Variants in KCNIP1 observed in about 807,000 individuals in gnomAD.
The protein encoded by KCNIP1 is A-type potassium channel modulatory protein KCNIP1.
Under a neutral mutation model 33.0 loss-of-function variants are expected in KCNIP1, and 18 were observed. The ratio of observed to expected loss-of-function variants is 0.55; its 90% CI spans 0.38 to 0.81. The LOEUF is 0.81. Ranked by LOEUF, KCNIP1 falls within the 30% of genes least tolerant of loss-of-function variation. KCNIP1 has a pLI of 0.00. For missense variants in KCNIP1, 238 were observed against 271.6 expected, an observed-to-expected ratio of 0.88 and a Z score of 0.87; for synonymous variants, 93 against 98.3, an observed-to-expected ratio of 0.95 and a Z score of 0.32.
intron 1 of KCNIP1, among the ~76,000 whole-genome samples, chr5:170,586,409 G>A (rs1757991053): frequency 6.6e-6 from 1 of 152,188 alleles, no homozygotes; most frequent in Non-Finnish European, 1.5e-5. Flanking sequence ...AGAAGATTAG[G>A]CAAGAATGTA....
At chr5:170,688,680 G>A (rs1489077884) in intron 1 of KCNIP1, among the ~76,000 whole-genome samples, 1 of 152,148 alleles carries the variant, frequency 6.6e-6, no homozygotes. Context: ...TGACCTTTTG[G>A]AGGCCTCCCT....
chr5:170,456,660 G>A (rs1756381736), intron 1 of KCNIP1, among the ~76,000 whole-genome samples: 1 of 114,866 alleles, frequency 8.7e-6, no homozygotes, highest in South Asian at 2.6e-4. Context: ...AGTGGTTCTT[G>A]TTTTCTTTCT....
At chr5:170,403,498 A>G (rs1754960250) in intron 1 of KCNIP1, among the ~76,000 whole-genome samples, 1 of 152,214 alleles carries the variant, frequency 6.6e-6, no homozygotes, top group Non-Finnish European at 1.5e-5. Context: ...CAGCATGACC[A>G]CAGGTCCCCA....
intron 1 of KCNIP1, among the ~76,000 whole-genome samples, chr5:170,481,796 C>T (rs1285891296): frequency 6.6e-6 from 1 of 152,118 alleles, no homozygotes; most frequent in East Asian, 1.9e-4. Flanking sequence ...AGAATGACCC[C>T]ACCCATGCTT....
In KCNIP1 at chr5:170,735,876, C is replaced by T. The variant is rs868723683; in HGVS notation, c.*70C>T. On this transcript the variant is annotated 3_prime_UTR_variant, in exon 8 of 8. Coordinates refer to ENST00000328939, the MANE Select transcript of KCNIP1 (RefSeq NM_014592.4). ...CAACCACCTTAACACCCTGATCTGC[C>T]CTTGTTCTGATTTTACACACCAACT... 28 of 1,352,860 alleles carry T rather than the reference C, an allele frequency of 2.1e-5. No homozygotes were observed. The Middle Eastern group carries it at 7.2e-4, about 35-fold the overall frequency. 83.8% of individuals were successfully genotyped at this position (1,352,860 alleles called of 1,614,324 possible).
intron 1 of KCNIP1, among the ~76,000 whole-genome samples, chr5:170,464,258 T>A (rs947803653): frequency 6.6e-6 from 1 of 152,242 alleles, no homozygotes; most frequent in Non-Finnish European, 1.5e-5. Context: ...AGGTTCAAAG[T>A]GATTCGATGC....
chr5:170,593,150 A>T (rs1295570176), intron 1 of KCNIP1, among the ~76,000 whole-genome samples: 1 of 152,220 alleles, frequency 6.6e-6, no homozygotes, highest in Non-Finnish European at 1.5e-5. Context: ...GGAATTTGCC[A>T]TGCACATATA....
chr5:170,659,123 A>G (rs1761381133), intron 1 of KCNIP1, among the ~76,000 whole-genome samples: 1 of 152,010 alleles, frequency 6.6e-6, no homozygotes, highest in Non-Finnish European at 1.5e-5. Context: ...CGTTCCTTTA[A>G]TGCTTGCCTA....
At chr5:170,693,486 C>T (rs1762793668) in intron 1 of KCNIP1, among the ~76,000 whole-genome samples, 1 of 152,086 alleles carries the variant, frequency 6.6e-6, no homozygotes, top group South Asian at 2.1e-4. Context: ...TAGGCAACAC[C>T]AGAAGGCAGG....
intron 1 of KCNIP1, among the ~76,000 whole-genome samples, chr5:170,363,377 G>C (rs1276280435): frequency 6.6e-6 from 1 of 152,154 alleles, no homozygotes; most frequent in African/African-American, 2.4e-5. Flanking sequence ...GGAGATTAAG[G>C]TTAAATGAGG....
chr5:170,446,793 G>T (rs1756126589), intron 1 of KCNIP1, among the ~76,000 whole-genome samples: 1 of 152,118 alleles, frequency 6.6e-6, no homozygotes, highest in African/African-American at 2.4e-5. Context: ...GGCAGGACCT[G>T]CCACATGTCC....
chr5:170,478,591 T>C (rs1195244759), intron 1 of KCNIP1, among the ~76,000 whole-genome samples: 1 of 152,154 alleles, frequency 6.6e-6, no homozygotes, highest in Non-Finnish European at 1.5e-5. Flanking sequence ...GACTCCACCA[T>C]GGTCAGTTTC....
chr5:170,403,795 A>G (rs1754967435), intron 1 of KCNIP1, among the ~76,000 whole-genome samples: 1 of 152,192 alleles, frequency 6.6e-6, no homozygotes, highest in East Asian at 1.9e-4. Context: ...TACACTCCAA[A>G]TGCCAGATTC....
upstream of KCNIP1, among the ~76,000 whole-genome samples, chr5:170,503,402 A>AAG (rs1757457703): frequency 6.6e-6 from 1 of 151,246 alleles, no homozygotes; most frequent in South Asian, 2.1e-4. Context: ...TCAAAAAAAA[A>AAG]AAAAAAAGAA....
intron 1 of KCNIP1, among the ~76,000 whole-genome samples, chr5:170,693,026 T>G (rs947914232): frequency 6.6e-6 from 1 of 152,222 alleles, no homozygotes; most frequent in African/African-American, 2.4e-5. Flanking sequence ...ACTAAAAATA[T>G]AGAGAGAACT....
intron 1 of KCNIP1, among the ~76,000 whole-genome samples, chr5:170,684,554 C>T (rs975403208): frequency 4.6e-5 from 7 of 152,218 alleles, no homozygotes; most frequent in African/African-American, 1.7e-4. Context: ...AAATAAAATA[C>T]ATCCACTTAA....
At chr5:170,649,652 C>A (rs1045379288) in intron 1 of KCNIP1, among the ~76,000 whole-genome samples, 1 of 151,158 alleles carries the variant, frequency 6.6e-6, no homozygotes, top group Non-Finnish European at 1.5e-5. Flanking sequence ...TCTACTCAGC[C>A]TGAGCATCAT....
intron 1 of KCNIP1, chr5:170,378,865 G>A (rs750048754): frequency 3.1e-6 from 5 of 1,614,266 alleles, no homozygotes; most frequent in South Asian, 1.1e-5. Flanking sequence ...TTCCCCCGAG[G>A]TGCGGAGAAG....
chr5:170,424,190 G>T (rs1420837401), intron 1 of KCNIP1, among the ~76,000 whole-genome samples: 1 of 152,176 alleles, frequency 6.6e-6, no homozygotes, highest in Non-Finnish European at 1.5e-5. Flanking sequence ...ACCCAAGTGC[G>T]GGGTAGCAGG....
Sources: allele counts gnomAD v4.1 joint callset (sites outside exome capture counted in the v4.1 genomes callset), GRCh38; gene constraint gnomAD v4.1.1; transcripts MANE v1.5; gene names NCBI Gene and HGNC (gene_info 2026-07-23, HGNC 2026-07-21).